The following LHFPL3 variants were observed in gnomAD, a reference collection of about 807,000 sequenced individuals.
LHFPL3 encodes the protein LHFPL tetraspan subfamily member 3 protein.
A neutral mutation model predicts 19.3 loss-of-function variants in LHFPL3; 5 were observed. The ratio of observed to expected loss-of-function variants is 0.26; its 90% CI spans 0.14 to 0.54. LHFPL3 has a LOEUF of 0.54. Among genes scored for constraint, LHFPL3 ranks in the 20% least tolerant of loss-of-function variants. The pLI, the probability that LHFPL3 is intolerant of heterozygous loss-of-function variation, is 0.94. For synonymous variants in LHFPL3, 133 were observed against 126.2 expected (o/e 1.05, Z -0.36); for missense variants, 249 against 307.4 (o/e 0.81, Z 1.42).
chr7:104,459,533 T>C (rs1005299455), intron 1 of LHFPL3, among the ~76,000 whole-genome samples: 1 of 152,186 alleles, frequency 6.6e-6, no homozygotes, highest in African/African-American at 2.4e-5. Flanking sequence ...TAATCTGCTA[T>C]GGGGGATGTG....
At chr7:104,819,463 C>A (rs1790635695) in intron 2 of LHFPL3, among the ~76,000 whole-genome samples, 1 of 151,602 alleles carries the variant, frequency 6.6e-6, no homozygotes, top group Non-Finnish European at 1.5e-5. Context: ...CACAAAAATT[C>A]TGACCCTTGT....
intron 1 of LHFPL3, among the ~76,000 whole-genome samples, chr7:104,440,804 C>T (rs1792210899): frequency 6.6e-6 from 1 of 152,058 alleles, no homozygotes. Flanking sequence ...TAATTTGTGA[C>T]CTAAGTGAGA....
chr7:104,411,522 C>T (rs1390087249), intron 1 of LHFPL3, among the ~76,000 whole-genome samples: 1 of 152,090 alleles, frequency 6.6e-6, no homozygotes. Context: ...TTTAAGGGCC[C>T]TACCCTTCTT....
At chr7:104,374,192 A>G (rs997738584) in intron 1 of LHFPL3, among the ~76,000 whole-genome samples, 4 of 124,490 alleles carry the variant, frequency 3.2e-5, no homozygotes, top group East Asian at 5.5e-4. Flanking sequence ...TCTATTATCT[A>G]TCTATCTATC....
At chr7:104,462,693 A>G (rs762512460) in intron 1 of LHFPL3, among the ~76,000 whole-genome samples, 1 of 152,138 alleles carries the variant, frequency 6.6e-6, no homozygotes, top group Non-Finnish European at 1.5e-5. Context: ...ATTGGCCTCA[A>G]GTTTTCTTTT....
chr7:104,440,037 G>GGCGGC lies in LHFPL3; in HGVS notation c.445+110814_445+110815insCGGCG, dbSNP rs752612091. ...AGATTACTATATAATACAAAGCCTG[G>GGCGGC]GGGGGGGGAGGGATAGCATTAGGAG... On this transcript the variant is annotated intron_variant, in intron 1 of 2. Coordinates refer to ENST00000424859, the MANE Select transcript of LHFPL3 (RefSeq NM_199000.3). Among the ~76,000 whole-genome samples, 378 of 140,578 alleles carry GGCGGC rather than the reference G, an allele frequency of 2.7e-3. 5 individuals are homozygous for GGCGGC. The highest frequency in any genetic ancestry group is 3.5e-3 in the Non-Finnish European group (234 of 65,992). The allele number at this position is 140,578 out of a possible 152,430, so 92.2% of individuals were successfully genotyped here.
intron 1 of LHFPL3, among the ~76,000 whole-genome samples, chr7:104,521,128 A>C (rs1370233130): frequency 6.6e-6 from 1 of 152,086 alleles, no homozygotes; most frequent in Non-Finnish European, 1.5e-5. Context: ...AATGCATCCC[A>C]GAGATTCTGG....
At chr7:104,902,696 G>A (rs777276234) in intron 2 of LHFPL3, among the ~76,000 whole-genome samples, 2 of 152,174 alleles carry the variant, frequency 1.3e-5, no homozygotes, top group African/African-American at 2.4e-5. Context: ...TTAGGCAGGA[G>A]AATCGCTTGA....
chr7:104,446,282 A>G (rs576483713), intron 1 of LHFPL3, among the ~76,000 whole-genome samples: 15 of 152,312 alleles, frequency 9.8e-5, no homozygotes, highest in Admixed American at 7.8e-4. Context: ...TGAAAAACAA[A>G]TATAAAAACA....
At chr7:104,612,443 A>G in intron 1 of LHFPL3, among the ~76,000 whole-genome samples, 1 of 152,144 alleles carries the variant, frequency 6.6e-6, no homozygotes, top group Non-Finnish European at 1.5e-5. Flanking sequence ...AAACAAAACA[A>G]AACAAAACAG....
rs529763517 is a variant in LHFPL3 at position 104,333,765 on chromosome 7, G to A, written c.445+4541G>A. ...TCCTGTTTTCTTATAGATCTCATTA[G>A]CATTTGAAATTACAGCACATTTCCA... On this transcript the variant is annotated intron_variant, in intron 1 of 2. Transcript: ENST00000424859. Among the ~76,000 whole-genome samples the A allele has an allele frequency of 4.6e-5, 7 of 152,292 alleles. No individual in the cohort carries two copies. In the South Asian group the frequency reaches 1.5e-3, roughly 32 times the overall value.
intron 1 of LHFPL3, among the ~76,000 whole-genome samples, chr7:104,698,662 C>T (rs1475733172): frequency 6.6e-6 from 1 of 152,042 alleles, no homozygotes; most frequent in Non-Finnish European, 1.5e-5. Context: ...TGGAAGAAAC[C>T]AAGGTATCTT....
chr7:104,814,001 T>C (rs1053768791), intron 2 of LHFPL3, among the ~76,000 whole-genome samples: 2 of 152,204 alleles, frequency 1.3e-5, no homozygotes, highest in Non-Finnish European at 2.9e-5. Context: ...GGTCCCAAGT[T>C]CTTGTCCTGC....
chr7:104,372,597 C>T (rs1479963369), intron 1 of LHFPL3, among the ~76,000 whole-genome samples: 1 of 152,142 alleles, frequency 6.6e-6, no homozygotes, highest in African/African-American at 2.4e-5. Flanking sequence ...TGAGCTCCAC[C>T]ATTCAGTACC....
chr7:104,571,953 A>G (rs1790238761), intron 1 of LHFPL3, among the ~76,000 whole-genome samples: 1 of 152,218 alleles, frequency 6.6e-6, no homozygotes, highest in Non-Finnish European at 1.5e-5. Flanking sequence ...AGTAGAATAT[A>G]AAAACCTTCT....
chr7:104,876,947 T>TA (rs1791956895), intron 2 of LHFPL3, among the ~76,000 whole-genome samples: 1 of 152,046 alleles, frequency 6.6e-6, no homozygotes, highest in African/African-American at 2.4e-5. Context: ...TATGCAGCCA[T>TA]AAAAAATGAT....
intron 1 of LHFPL3, among the ~76,000 whole-genome samples, chr7:104,674,838 C>T (rs1056786407): frequency 2.6e-5 from 4 of 151,946 alleles, no homozygotes; most frequent in African/African-American, 9.7e-5. Flanking sequence ...TAAACATATC[C>T]AAAATATAAA....
chr7:104,734,661 C>T (rs909447614), intron 1 of LHFPL3, among the ~76,000 whole-genome samples: 1 of 152,142 alleles, frequency 6.6e-6, no homozygotes. Context: ...GCCATGGGTT[C>T]AAACTTCCTC....
intron 1 of LHFPL3, among the ~76,000 whole-genome samples, chr7:104,341,220 A>C (rs547990204): frequency 6.6e-6 from 1 of 152,356 alleles, no homozygotes; most frequent in South Asian, 2.1e-4. Flanking sequence ...TAGTGATTTA[A>C]AATTTTCAGA....
Sources: gnomAD v4.1 joint callset for allele counts (sites outside exome capture counted in the v4.1 genomes callset) on GRCh38, gnomAD v4.1.1 for gene constraint, MANE v1.5 for transcripts, NCBI Gene and HGNC (gene_info 2026-07-23, HGNC 2026-07-21) for gene names.